Variants in COL19A1 observed in about 807,000 individuals in gnomAD.
COL19A1 encodes collagen type XIX alpha 1 chain, also known as collagen alpha-1(XIX) chain.
In COL19A1, 159 loss-of-function variants were observed where a neutral mutation model predicts 190.2. The ratio of observed to expected loss-of-function variants is 0.84; its 90% CI spans 0.73 to 0.95. The LOEUF is 0.95. Ranked by LOEUF, COL19A1 falls within the 40% of genes least tolerant of loss-of-function variation. The probability of loss-of-function intolerance (pLI) is 0.00; values close to 1 mark genes in which losing one functional copy is unlikely to be tolerated. For synonymous variants in COL19A1, 509 were observed against 458.9 expected (o/e 1.11, Z -1.39); for missense variants, 1,418 against 1,431.9 (o/e 0.99, Z 0.16).
intron 30 of COL19A1, among the ~76,000 whole-genome samples, chr6:70,150,460 T>A (rs1481335765): frequency 6.6e-6 from 1 of 152,184 alleles, no homozygotes; most frequent in Non-Finnish European, 1.5e-5. Context: ...TTTAAAATGT[T>A]GCGATGATTA....
chr6:70,036,489 T>A (rs538677120), intron 14 of COL19A1, among the ~76,000 whole-genome samples: 1 of 152,316 alleles, frequency 6.6e-6, no homozygotes. Flanking sequence ...AGTGTGCACA[T>A]AATGAGATTG....
intron 11 of COL19A1, among the ~76,000 whole-genome samples, chr6:69,987,797 G>T (rs1367452486): frequency 6.6e-6 from 1 of 152,186 alleles, no homozygotes; most frequent in African/African-American, 2.4e-5. Context: ...CCTGGAGAGA[G>T]CCCCTAATGG....
intron 11 of COL19A1, among the ~76,000 whole-genome samples, chr6:69,995,120 G>T (rs1776829604): frequency 6.6e-6 from 1 of 152,274 alleles, no homozygotes; most frequent in East Asian, 1.9e-4. Flanking sequence ...TCGAAATGTA[G>T]TACCCACAAG....
chr6:69,969,029 T>C (rs1386783333), intron 11 of COL19A1, among the ~76,000 whole-genome samples: 6 of 152,222 alleles, frequency 3.9e-5, no homozygotes, highest in Non-Finnish European at 8.8e-5. Context: ...TTGGATATGT[T>C]CCTAGCTTTC....
At chr6:70,196,451 G>T (rs1473547712) in intron 48 of COL19A1, among the ~76,000 whole-genome samples, 1 of 152,168 alleles carries the variant, frequency 6.6e-6, no homozygotes, top group Non-Finnish European at 1.5e-5. Flanking sequence ...CCAAGAAAAT[G>T]GATAATTAGA....
At chr6:70,181,505 T>C (rs1339256315) in intron 44 of COL19A1, among the ~76,000 whole-genome samples, 1 of 151,990 alleles carries the variant, frequency 6.6e-6, no homozygotes, top group Non-Finnish European at 1.5e-5. Flanking sequence ...GGCATATCAT[T>C]AAAGCCTGCC....
chr6:69,920,702 C>T (rs1771641483), intron 4 of COL19A1, among the ~76,000 whole-genome samples: 1 of 151,494 alleles, frequency 6.6e-6, no homozygotes, highest in South Asian at 2.1e-4. Flanking sequence ...TCTAGATGAC[C>T]TTAATTAATG....
intron 15 of COL19A1, among the ~76,000 whole-genome samples, chr6:70,086,639 A>T (rs1782607483): frequency 6.6e-6 from 1 of 152,192 alleles, no homozygotes; most frequent in East Asian, 1.9e-4. Context: ...CAAAGGTTTT[A>T]TCTCATGTTA....
intron 11 of COL19A1, among the ~76,000 whole-genome samples, chr6:69,985,884 C>T (rs1776283848): frequency 6.6e-6 from 1 of 152,022 alleles, no homozygotes; most frequent in South Asian, 2.1e-4. Context: ...GGACTTTCCA[C>T]CTACATAAAT....
At chr6:70,193,284 G>T (rs1766995302) in intron 48 of COL19A1, among the ~76,000 whole-genome samples, 1 of 152,202 alleles carries the variant, frequency 6.6e-6, no homozygotes, top group African/African-American at 2.4e-5. Flanking sequence ...CTACTCTCAT[G>T]AAGGGCTATC....
rs1037894272 is a variant in COL19A1, at chr6:69,905,210, C to G, written c.266+4872C>G. Among the ~76,000 whole-genome samples the G allele has an allele frequency of 5.3e-5, 8 of 152,316 alleles. No homozygotes were observed. In the East Asian group the frequency reaches 1.5e-3, roughly 29 times the overall value. ...ATGTTATGCTGGGGTCAGGTTCCAG[C>G]TCATGCTGAGATCTGAAGGGAGTGG... On this transcript the variant is annotated intron_variant, in intron 4 of 50. Coordinates refer to ENST00000620364, the MANE Select transcript of COL19A1 (RefSeq NM_001858.6).
Position 69,905,177 on chromosome 6 carries a change from T to C in COL19A1, c.266+4839T>C, listed in dbSNP as rs938775999. Among the ~76,000 whole-genome samples the C allele has an allele frequency of 5.3e-5, 8 of 152,162 alleles. No individual in the cohort carries two copies. The East Asian group carries it at 1.3e-3, about 26-fold the overall frequency. ...CTATGCCAATTGTCAGGTCCATGACTACGCCAGATGTTATGCTGGGGTCAG... is the reference window on the plus strand; with the variant it reads ...CTATGCCAATTGTCAGGTCCATGACCACGCCAGATGTTATGCTGGGGTCAG... On this transcript the variant is annotated intron_variant, in intron 4 of 50. Transcript: ENST00000620364.
chr6:70,167,628 T>G (rs1392101071), intron 37 of COL19A1, among the ~76,000 whole-genome samples: 2 of 152,218 alleles, frequency 1.3e-5, no homozygotes, highest in African/African-American at 2.4e-5. Flanking sequence ...TATTCACATC[T>G]TCATCAGCAC....
intron 2 of COL19A1, among the ~76,000 whole-genome samples, chr6:69,886,572 A>G (rs1157590782): frequency 6.6e-6 from 1 of 152,210 alleles, no homozygotes; most frequent in Non-Finnish European, 1.5e-5. Context: ...TAAGACATGG[A>G]AACAACCTAA....
At chr6:69,921,658 ATATTCGTATG>A in intron 4 of COL19A1, among the ~76,000 whole-genome samples, 1 of 134,016 alleles carries the variant, frequency 7.5e-6, no homozygotes, top group African/African-American at 2.8e-5. Context: ...AGATTCGTAT[ATATTCGTATG>A]TAGATTCGTA....
At chr6:70,057,203 A>G (rs748072689) in intron 14 of COL19A1, among the ~76,000 whole-genome samples, 2 of 152,150 alleles carry the variant, frequency 1.3e-5, no homozygotes, top group Admixed American at 6.6e-5. Flanking sequence ...TCAGACTATT[A>G]TCATCATCAG....
intron 1 of COL19A1, among the ~76,000 whole-genome samples, chr6:69,869,669 A>G (rs1261767562): frequency 1.3e-5 from 2 of 152,214 alleles, no homozygotes; most frequent in Non-Finnish European, 2.9e-5. Flanking sequence ...AGAGCAAGAG[A>G]ATTGTAATCA....
intron 10 of COL19A1, among the ~76,000 whole-genome samples, chr6:69,960,617 C>A (rs778152535): frequency 6.7e-6 from 1 of 149,754 alleles, no homozygotes; most frequent in African/African-American, 2.5e-5. Context: ...TTCCTTTGTG[C>A]CCCCACTTTT....
intron 16 of COL19A1, among the ~76,000 whole-genome samples, chr6:70,117,829 A>G (rs1784667653): frequency 6.6e-6 from 1 of 152,202 alleles, no homozygotes; most frequent in African/African-American, 2.4e-5. Context: ...CTTGTGTACA[A>G]TCATGTTGTG....
Sources: allele counts gnomAD v4.1 joint callset (sites outside exome capture counted in the v4.1 genomes callset), GRCh38; gene constraint gnomAD v4.1.1; transcripts MANE v1.5; gene names NCBI Gene and HGNC (gene_info 2026-07-23, HGNC 2026-07-21).